The following HDAC4 variants were observed in gnomAD, a reference collection of about 807,000 sequenced individuals.
HDAC4 encodes the protein histone deacetylase A.
In HDAC4, 16 loss-of-function variants were observed where a neutral mutation model predicts 135.1. The ratio of observed to expected loss-of-function variants is 0.12; its 90% CI spans 0.08 to 0.18. The LOEUF is 0.18. HDAC4 is among the 10% of genes least tolerant of loss of function. The pLI, the probability that HDAC4 is intolerant of heterozygous loss-of-function variation, is 1.00. For missense variants in HDAC4, 1,143 were observed against 1,511.8 expected, an observed-to-expected ratio of 0.76 and a Z score of 4.05; for synonymous variants, 685 against 653.4, an observed-to-expected ratio of 1.05 and a Z score of -0.74.
chr2:239,390,906 GGACA>G (rs548834640), intron 1 of HDAC4, among the ~76,000 whole-genome samples: 1 of 152,214 alleles, frequency 6.6e-6, no homozygotes, highest in Non-Finnish European at 1.5e-5. Context: ...AGTGAAGACG[GGACA>G]GAAAGAACCA....
intron 13 of HDAC4, among the ~76,000 whole-genome samples, chr2:239,113,685 A>C (rs1014989728): frequency 1.3e-5 from 2 of 152,210 alleles, no homozygotes; most frequent in Non-Finnish European, 2.9e-5. Flanking sequence ...TATCAGCCTA[A>C]TAATAGCACA....
In HDAC4 at chr2:239,092,573, C is replaced by G. The variant is rs1319431121; in HGVS notation, c.2280+2437G>C. On this transcript the variant is annotated intron_variant, in intron 17 of 26. Transcript: ENST00000543185. ...GTGTCTGTGCCCCCTCCCATGGGAC[C>G]CTGGGGTTCAGAAGCTTCTGGAGTC... 4.6e-5 allele frequency among the ~76,000 whole-genome samples: 7 copies of G among 152,198 alleles called. No homozygotes were observed. In the East Asian group the frequency reaches 1.4e-3, roughly 29 times the overall value.
At position 239,139,676 on chromosome 2, in the gene HDAC4, G is replaced by C. The variant is rs371705406; in HGVS notation, c.978+8C>G. 3.1e-6 allele frequency: 5 copies of C among 1,610,872 alleles called. No individual in the cohort carries two copies. Among genetic ancestry groups the C allele is most frequent in the Non-Finnish European group, 4.2e-6 (5 of 1,177,148 alleles). On this transcript the variant is annotated splice_region_variant and intron_variant, in intron 9 of 26. Transcript: ENST00000543185. This position sits in a 1 kb window ranked among gnomAD's most constrained non-coding sequence, Gnocchi z 5.3. Reference sequence around the variant, plus strand: ...CCGTAGGACACAGGACAAACGCTTCGCACTGACCTCCGCCGGGATGCTGGG... The same window carrying C: ...CCGTAGGACACAGGACAAACGCTTCCCACTGACCTCCGCCGGGATGCTGGG...
intron 2 of HDAC4, among the ~76,000 whole-genome samples, chr2:239,311,926 C>T (rs980716721): frequency 9.9e-5 from 15 of 152,104 alleles, no homozygotes; most frequent in African/African-American, 2.9e-4. Context: ...GAGCTCAGAA[C>T]GGGTTCCTCT....
intron 9 of HDAC4, among the ~76,000 whole-genome samples, chr2:239,137,205 G>C (rs191102861): frequency 6.6e-6 from 1 of 152,346 alleles, no homozygotes; most frequent in East Asian, 1.9e-4. Flanking sequence ...GGGCGTTCTG[G>C]CATCTGCTGC....
chr2:239,094,077 TAC>T, intron 17 of HDAC4: 1 of 985,398 alleles, frequency 1.0e-6, no homozygotes, highest in Non-Finnish European at 1.2e-6. Flanking sequence ...GATCAGTGAT[TAC>T]ACACACACTG....
chr2:239,191,209 T>C (rs565954113), intron 3 of HDAC4, among the ~76,000 whole-genome samples: 62 of 152,266 alleles, frequency 4.1e-4, no homozygotes, highest in Non-Finnish European at 3.8e-4. Context: ...CAGAGGGGTG[T>C]CTGGGCCAAC....
In HDAC4 at chr2:239,130,193, T is replaced by G. The variant is rs573010072; in HGVS notation, c.1295-3499A>C. 2.0e-5 allele frequency among the ~76,000 whole-genome samples: 3 copies of G among 152,338 alleles called. No homozygotes were observed. The South Asian group carries it at 6.2e-4, about 32-fold the overall frequency. On this transcript the variant is annotated intron_variant, in intron 11 of 26. Coordinates refer to ENST00000543185, the MANE Select transcript of HDAC4 (RefSeq NM_001378414.1). ...AACAATGTGGGTGCTCTGGATTCGCTTGGACCAATCAGCATCTGTTTGAGC... is the reference window on the plus strand; with the variant it reads ...AACAATGTGGGTGCTCTGGATTCGCGTGGACCAATCAGCATCTGTTTGAGC...
chr2:239,389,289 G>C (rs893519709), intron 1 of HDAC4, among the ~76,000 whole-genome samples: 6 of 152,152 alleles, frequency 3.9e-5, no homozygotes, highest in Admixed American at 6.5e-5. Context: ...TGGAAGCTTT[G>C]TTCTTTCGAT....
At chr2:239,252,009 A>G (rs1301065935) in intron 2 of HDAC4, among the ~76,000 whole-genome samples, 1 of 152,230 alleles carries the variant, frequency 6.6e-6, no homozygotes, top group Non-Finnish European at 1.5e-5. Flanking sequence ...TTTGTATTGC[A>G]TTCTATTTTA....
At chr2:239,333,386 TAGA>T (rs762845450) in intron 2 of HDAC4, among the ~76,000 whole-genome samples, 1 of 152,152 alleles carries the variant, frequency 6.6e-6, no homozygotes. Context: ...ATCCTAGGAA[TAGA>T]AGAAGAAAGC....
intron 2 of HDAC4, among the ~76,000 whole-genome samples, chr2:239,315,358 T>G (rs1321484819): frequency 1.3e-5 from 2 of 152,156 alleles, no homozygotes; most frequent in African/African-American, 2.4e-5. Context: ...TTAAATTGAG[T>G]GAGACCTGTC....
intron 2 of HDAC4, among the ~76,000 whole-genome samples, chr2:239,297,235 C>G (rs988559693): frequency 1.3e-5 from 2 of 152,100 alleles, no homozygotes; most frequent in Non-Finnish European, 2.9e-5. Context: ...GAGCAGCCAG[C>G]GCTCACCCAA....
At chr2:239,383,309 A>G (rs1695552026) in intron 1 of HDAC4, among the ~76,000 whole-genome samples, 1 of 152,242 alleles carries the variant, frequency 6.6e-6, no homozygotes, top group Admixed American at 6.5e-5. Context: ...CGTAAAGTGC[A>G]TAACCACTGA....
chr2:239,115,466 T>G lies in HDAC4; in HGVS notation c.1534-156A>C, dbSNP rs529487681. Among the ~76,000 whole-genome samples, 1 of 152,040 alleles carries G rather than the reference T, an allele frequency of 6.6e-6. No homozygotes were observed. The highest frequency in any genetic ancestry group is 2.4e-5 in the African/African-American group (1 of 41,466). On this transcript the variant is annotated intron_variant, in intron 12 of 26. Transcript: ENST00000543185. This position sits in a 1 kb window ranked among gnomAD's most constrained non-coding sequence, Gnocchi z 6.3. The stretch of plus-strand genomic sequence containing the variant: ...CCACAGGCCAGCAGGCACCTTTATC[T>G]CCCAACAGGCACTGGGGTGCCTGAG...
At chr2:239,175,908 T>A (rs945247929) in intron 5 of HDAC4, among the ~76,000 whole-genome samples, 6 of 152,158 alleles carry the variant, frequency 3.9e-5, no homozygotes, top group Non-Finnish European at 8.8e-5. Flanking sequence ...CAGCCCTGGA[T>A]GAAGATAAAT....
At chr2:239,356,127 A>T (rs373851060) in intron 1 of HDAC4, among the ~76,000 whole-genome samples, 9 of 152,372 alleles carry the variant, frequency 5.9e-5, no homozygotes, top group African/African-American at 2.2e-4. Context: ...TACACAGAGA[A>T]CATTACATTA....
intron 5 of HDAC4, among the ~76,000 whole-genome samples, chr2:239,169,670 A>G (rs1043604864): frequency 6.6e-6 from 1 of 152,208 alleles, no homozygotes; most frequent in African/African-American, 2.4e-5. Flanking sequence ...CCCTGGAGTG[A>G]ACAGAGACCC....
intron 2 of HDAC4, among the ~76,000 whole-genome samples, chr2:239,267,782 T>A (rs1218507772): frequency 1.3e-5 from 2 of 152,200 alleles, no homozygotes; most frequent in Non-Finnish European, 2.9e-5. Context: ...CTCGCAGGCT[T>A]CTCCCTCCGT....
Sources: gnomAD v4.1 joint callset for allele counts (sites outside exome capture counted in the v4.1 genomes callset) on GRCh38, gnomAD v4.1.1 for gene constraint, Gnocchi (gnomAD v3.1) non-coding constraint, MANE v1.5 for transcripts, NCBI Gene and HGNC (gene_info 2026-07-23, HGNC 2026-07-21) for gene names.